Variants in DCTN1 observed in about 807,000 individuals in gnomAD.
DCTN1 encodes dynactin subunit 1.
DCTN1 carries 61 observed loss-of-function variants against 161.2 expected under a neutral mutation model. The observed-to-expected ratio is 0.38, with a 90% CI of 0.31 to 0.47. The LOEUF (loss-of-function observed/expected upper bound fraction) is 0.47, where lower values mean the gene tolerates loss of function less well. Among genes scored for constraint, DCTN1 ranks in the 20% least tolerant of loss-of-function variants. DCTN1 has a pLI of 0.99. For synonymous variants in DCTN1, 653 were observed against 632.4 expected (o/e 1.03, Z -0.49); for missense variants, 1,404 against 1,623.7 (o/e 0.86, Z 2.33).
At chr2:74,390,707 C>T (rs1246813359) in intron 1 of DCTN1, 1 of 424,352 alleles carries the variant, frequency 2.4e-6, no homozygotes, top group South Asian at 1.7e-5. Context: ...CATGGGCCAG[C>T]AGCATTAGCA....
intron 5 of DCTN1, 64 bp from the exon 6 acceptor site, chr2:74,374,404 T>C (rs1020838496): frequency 4.3e-6 from 7 of 1,609,744 alleles, no homozygotes; most frequent in African/African-American, 1.3e-5. Context: ...CAGAGGAGGA[T>C]AGACAAACAC....
At position 74,370,238 on chromosome 2, in the gene DCTN1, A is replaced by T; in HGVS notation, c.1235T>A (p.Leu412Gln). 6.2e-7 allele frequency: 1 copy of T among 1,614,020 alleles called. No homozygotes were observed. Among genetic ancestry groups the T allele is most frequent in the Non-Finnish European group, 8.5e-7 (1 of 1,180,046 alleles). The change falls in exon 12 of 32, where the codon CTG becomes CAG. Residue 412 changes from leucine to glutamine, a missense_variant. Around this residue, in one of 9 missense-constraint regions of DCTN1, gnomAD observed 278 missense variants for 363.8 expected, o/e 0.76. Transcript: ENST00000628224. This position sits in a 1 kb window ranked among gnomAD's most constrained non-coding sequence, Gnocchi z 4.4. Reference sequence around the variant, plus strand: ...CTCTGCCTGGCTTAGCTCCTCCTGCAGACGCTCCCGCTGTTGCCTCACAAC... The same window carrying T: ...CTCTGCCTGGCTTAGCTCCTCCTGCTGACGCTCCCGCTGTTGCCTCACAAC... Reference protein sequence around the residue: ...LEVVRQQRERLQEELSQAEST... With the variant: ...LEVVRQQRERQQEELSQAEST...
chr2:74,362,686 C>G lies in DCTN1; in HGVS notation c.3573G>C (p.Gln1191His), dbSNP rs137966704. 1 of 1,613,904 alleles carries G rather than the reference C, an allele frequency of 6.2e-7. No homozygotes were observed. The highest frequency in any genetic ancestry group is 8.5e-7 in the Non-Finnish European group (1 of 1,179,994). ...CGACGGTGTCACTCAGGGACTTAAG[C>G]TGAGCCACTTGCTCCATAAGTTGGG... ...PSAQLMEQVAQLKSLSDTVEK... is the reference protein window; with the variant it reads ...PSAQLMEQVAHLKSLSDTVEK... Residue 1191 changes from glutamine to histidine, a missense_variant, in exon 30 of 32, where the codon CAG (glutamine) becomes CAC (histidine). By Grantham distance (24) the Gln-to-His change is conservative. This residue lies in a region of DCTN1 where 311 missense variants were observed against 298.9 expected (regional missense o/e 1.04). Transcript: ENST00000628224.
chr2:74,363,853 G>A (rs1674207895), intron 26 of DCTN1: 1 of 638,828 alleles, frequency 1.6e-6, no homozygotes, highest in Non-Finnish European at 2.9e-6. Flanking sequence ...ACAAGACAGG[G>A]TACAATGTGT....
chr2:74,372,831 A>G, intron 7 of DCTN1, 97 bp downstream of exon 7: 1 of 1,263,502 alleles, frequency 7.9e-7, no homozygotes, highest in African/African-American at 1.5e-5. Flanking sequence ...CACTATGACG[A>G]ACTTTCACTT....
chr2:74,369,566 C>T lies in DCTN1; in HGVS notation c.1393-75G>A. The T allele has an allele frequency of 1.3e-6, 2 of 1,499,428 alleles. No homozygotes were observed. Among genetic ancestry groups the T allele is most frequent in the Middle Eastern group, 1.7e-4 (1 of 5,882 alleles). 92.9% of individuals were successfully genotyped at this position (1,499,428 alleles called of 1,614,324 possible). ...CGGCGGTGGTTCACACCTGTAATCC[C>T]AGCACTTTGGGAGGTCAAAGCAGGC... On this transcript the variant is annotated intron_variant, in intron 13 of 31. Coordinates refer to ENST00000628224, the MANE Select transcript of DCTN1 (RefSeq NM_004082.5). This position sits in a 1 kb window ranked among gnomAD's most constrained non-coding sequence, Gnocchi z 4.9.
intron 26 of DCTN1, 153 bp downstream of exon 26, chr2:74,364,922 T>C (rs571031757): frequency 6.9e-5 from 66 of 952,398 alleles, no homozygotes; most frequent in East Asian, 3.4e-4. Context: ...AAGGGAAAAC[T>C]TGGTGAAAAC....
chr2:74,362,267 C>A, intron 30 of DCTN1, 126 bp from the exon 31 acceptor site: 1 of 812,026 alleles, frequency 1.2e-6, no homozygotes. Flanking sequence ...TATCAACATA[C>A]TTTTGCTCTC....
At chr2:74,384,272 G>T (rs1486748004), upstream of DCTN1, among the ~76,000 whole-genome samples, 1 of 152,212 alleles carries the variant, frequency 6.6e-6, no homozygotes, top group African/African-American at 2.4e-5. Context: ...ACAGAACTAT[G>T]TCTCAGAAGT....
intron 6 of DCTN1, among the ~76,000 whole-genome samples, chr2:74,373,990 T>C (rs1349339965): frequency 6.6e-6 from 1 of 152,210 alleles, no homozygotes; most frequent in African/African-American, 2.4e-5. Context: ...CTAGAGGCAC[T>C]GAGATACCTG....
At chr2:74,372,781 T>C (rs991796256) in intron 7 of DCTN1, 147 bp downstream of exon 7, 6 of 862,500 alleles carry the variant, frequency 7.0e-6, no homozygotes, top group Non-Finnish European at 1.2e-5. Context: ...CTGCCAGCAC[T>C]GCGAACCCCC....
intron 31 of DCTN1, 68 bp downstream of exon 31, chr2:74,361,984 C>T: frequency 1.9e-5 from 28 of 1,512,456 alleles, no homozygotes; most frequent in Non-Finnish European, 2.6e-5. Context: ...TCCTCCAATT[C>T]TGGAGGAGAG....
chr2:74,364,866 T>C, intron 26 of DCTN1: 1 of 627,932 alleles, frequency 1.6e-6, no homozygotes. Flanking sequence ...AACAATTTAG[T>C]AATGCCCTCC....
At chr2:74,377,538 G>C in intron 3 of DCTN1, 72 bp from the exon 4 acceptor site, 1 of 1,527,702 alleles carries the variant, frequency 6.5e-7, no homozygotes, top group Non-Finnish European at 9.1e-7. Context: ...AAGGGAATAT[G>C]GTAGTGACGG....
rs1372604307 is a variant in DCTN1 at position 74,369,145 on chromosome 2, T to C, written c.1654A>G (p.Thr552Ala). 3.7e-6 allele frequency: 6 copies of C among 1,614,242 alleles called. No homozygotes were observed. Among genetic ancestry groups the C allele is most frequent in the Non-Finnish European group, 5.1e-6 (6 of 1,180,050 alleles). ...GCAAACTTGATTTTGAAGTCAAAGG[T>C]CTCTGGAGGTGGCTGCTGTTGCCTC... The part of the protein sequence containing the change: ...VERQQQPPPE[T>A]FDFKIKFAET... The change falls in exon 15 of 32, where the codon ACC becomes GCC. Residue 552 changes from threonine to alanine, a missense_variant. Around this residue, in one of 9 missense-constraint regions of DCTN1, gnomAD observed 278 missense variants for 363.8 expected, o/e 0.76. Transcript: ENST00000628224. This position sits in a 1 kb window ranked among gnomAD's most constrained non-coding sequence, Gnocchi z 4.9.
At position 74,370,876 on chromosome 2, in the gene DCTN1, G is replaced by T. The variant is rs763521652; in HGVS notation, c.844-51C>A. The T allele has an allele frequency of 6.2e-7, 1 of 1,613,318 alleles. No individual in the cohort carries two copies. The highest frequency in any genetic ancestry group is 1.3e-5 in the African/African-American group (1 of 75,018). On this transcript the variant is annotated intron_variant, in intron 9 of 31. Coordinates refer to ENST00000628224, the MANE Select transcript of DCTN1 (RefSeq NM_004082.5). The surrounding 1 kb of genome is among the most constrained non-coding windows in gnomAD (Gnocchi z 4.4). ...GGGTACCAGCACAGAGATGCCCCAG[G>T]CCTTTCTCACAGTATGTTCCAGGCT...
chr2:74,381,547 C>A (rs918921749), upstream of DCTN1, among the ~76,000 whole-genome samples: 1 of 152,152 alleles, frequency 6.6e-6, no homozygotes, highest in African/African-American at 2.4e-5. Context: ...TCCCTATTCG[C>A]CATTACACAG....
intron 31 of DCTN1, 143 bp downstream of exon 31, chr2:74,361,909 T>A: frequency 1.1e-6 from 1 of 910,788 alleles, no homozygotes; most frequent in Non-Finnish European, 1.8e-6. Context: ...TCTGAGTTAC[T>A]TGTAAGTAAA....
upstream of DCTN1, among the ~76,000 whole-genome samples, chr2:74,383,529 T>C (rs563980196): frequency 1.3e-5 from 2 of 152,232 alleles, no homozygotes; most frequent in African/African-American, 4.8e-5. Flanking sequence ...ACCTGCAGGA[T>C]GGAGTGCAGG....
Sources: allele counts gnomAD v4.1 joint callset (sites outside exome capture counted in the v4.1 genomes callset), GRCh38; gene constraint gnomAD v4.1.1; regional missense constraint gnomAD v4.1.1; non-coding constraint Gnocchi (gnomAD v3.1); transcripts MANE v1.5; gene names NCBI Gene and HGNC (gene_info 2026-07-23, HGNC 2026-07-21).